Variants in RPP14 observed in about 807,000 individuals in gnomAD.
The protein encoded by RPP14 is ribonuclease P protein subunit p14.
RPP14 carries 19 observed loss-of-function variants against 17.8 expected under a neutral mutation model. The ratio of observed to expected loss-of-function variants is 1.07; its 90% CI spans 0.74 to 1.57. The LOEUF is 1.57. RPP14 is among the 40% of genes most tolerant of loss of function. The pLI is 0.00. For missense variants in RPP14, 125 were observed against 140.8 expected, an observed-to-expected ratio of 0.89 and a Z score of 0.57; for synonymous variants, 60 against 56.4, an observed-to-expected ratio of 1.06 and a Z score of -0.29.
chr3:58,315,771 G>C (rs1274155400), intron 3 of RPP14: 5 of 152,400 alleles, frequency 3.3e-5, no homozygotes, highest in Non-Finnish European at 5.9e-5. Flanking sequence ...CCGCCTCCCA[G>C]GTTCAAGCGA....
At chr3:58,308,230 C>G (rs1308409522) in intron 1 of RPP14, among the ~76,000 whole-genome samples, 1 of 152,108 alleles carries the variant, frequency 6.6e-6, no homozygotes, top group East Asian at 1.9e-4. Context: ...GCCTATACCA[C>G]TATCACTTTT....
intron 3 of RPP14, among the ~76,000 whole-genome samples, chr3:58,316,250 C>G (rs1250965342): frequency 6.6e-6 from 1 of 152,170 alleles, no homozygotes; most frequent in Non-Finnish European, 1.5e-5. Context: ...ACATAGCAAG[C>G]TGACTTTGTC....
At chr3:58,310,065 T>C (rs917404514) in intron 1 of RPP14, 4 of 430,230 alleles carry the variant, frequency 9.3e-6, no homozygotes, top group Non-Finnish European at 1.7e-5. Flanking sequence ...CTGGATGTGG[T>C]GGCACGTGCC....
At chr3:58,310,481 A>T (rs28502788) in intron 2 of RPP14, 26 bp from the exon 3 acceptor site, 142,450 of 1,543,936 alleles carry the variant, frequency 0.092, 7,291 homozygotes, top group African/African-American at 0.27. Context: ...ATTTAATATG[A>T]CTTTTTTTTT....
rs1357595651 is a variant in RPP14, at chr3:58,312,332, G to A, written c.162+1741G>A. Among the ~76,000 whole-genome samples, 10 of 85,326 alleles carry A rather than the reference G, an allele frequency of 1.2e-4. 2 individuals are homozygous for A. Among genetic ancestry groups the A allele is most frequent in the Non-Finnish European group, 1.7e-4 (7 of 42,256 alleles). 56.0% of individuals were successfully genotyped at this position (85,326 alleles called of 152,430 possible). On this transcript the variant is annotated intron_variant, in intron 3 of 5. Transcript: ENST00000295959. ...GCTGGAGTGCAGTGGCACAACCTCCGCACCCCCCCCCGCCCCTCCCGGATT... is the reference window on the plus strand; with the variant it reads ...GCTGGAGTGCAGTGGCACAACCTCCACACCCCCCCCCGCCCCTCCCGGATT...
intron 1 of RPP14, chr3:58,306,711 A>C (rs1302583870): frequency 6.6e-6 from 1 of 152,282 alleles, no homozygotes; most frequent in Non-Finnish European, 1.5e-5. Context: ...CTCAGCAGTA[A>C]GGATATTGAG....
rs758136953 is a variant in RPP14 at position 58,317,787 on chromosome 3, A to G, written c.*291A>G. 2.8e-5 allele frequency: 20 copies of G among 702,964 alleles called. No individual in the cohort carries two copies. Among genetic ancestry groups the G allele is most frequent in the South Asian group, 2.7e-4 (18 of 67,610 alleles). The allele number at this position is 702,964 out of a possible 1,614,324, so 43.5% of individuals were successfully genotyped here. A position where few individuals can be genotyped will look rare whatever the true frequency, so the allele number is the denominator to read the frequency against. ...AGACTGATGTGGCTACCTTCTCAGA[A>G]TTAACAGGGGATGTCAATCCTTTGC... On this transcript the variant is annotated 3_prime_UTR_variant, in exon 6 of 6. Coordinates refer to ENST00000295959, the MANE Select transcript of RPP14 (RefSeq NM_007042.6).
intron 3 of RPP14, among the ~76,000 whole-genome samples, chr3:58,312,719 G>A (rs919527901): frequency 6.6e-6 from 1 of 151,988 alleles, no homozygotes; most frequent in Non-Finnish European, 1.5e-5. Flanking sequence ...CCAGCTCTTC[G>A]GGAGGCTGAG....
chr3:58,316,776 T>TA lies in RPP14; in HGVS notation c.240-138dup, dbSNP rs552071724. 117 of 884,546 alleles carry TA rather than the reference T, an allele frequency of 1.3e-4. No individual in the cohort carries two copies. In the East Asian group the frequency reaches 2.3e-3, roughly 18 times the overall value. 54.8% of individuals were successfully genotyped at this position (884,546 alleles called of 1,614,324 possible). The stretch of plus-strand genomic sequence containing the variant: ...CTTGTACTCTAGAGAGGGCAAAACT[T>TA]ACGATTTGGTTACAGCTGTAGTTTT... On this transcript the variant is annotated intron_variant, in intron 4 of 5. Coordinates refer to ENST00000295959, the MANE Select transcript of RPP14 (RefSeq NM_007042.6).
Position 58,317,938 on chromosome 3 carries a change from T to A in RPP14, c.*442T>A, listed in dbSNP as rs1416406817. The A allele has an allele frequency of 3.3e-5, 23 of 702,742 alleles. No homozygotes were observed. Among genetic ancestry groups the A allele is most frequent in the Non-Finnish European group, 5.2e-5 (20 of 384,978 alleles). 43.5% of individuals were successfully genotyped at this position (702,742 alleles called of 1,614,324 possible). On this transcript the variant is annotated 3_prime_UTR_variant, in exon 6 of 6. Transcript: ENST00000295959. The stretch of plus-strand genomic sequence containing the variant: ...GCCAGGGCCAGGCTGTGTATTTCTT[T>A]CCCAGGAAATTAGCTTTCCAGCCCC...
intron 3 of RPP14, among the ~76,000 whole-genome samples, chr3:58,315,334 C>T (rs2097487114): frequency 6.7e-6 from 1 of 149,228 alleles, no homozygotes; most frequent in Non-Finnish European, 1.5e-5. Flanking sequence ...TCTTGAAATA[C>T]TATATATAAT....
chr3:58,311,951 C>T (rs1481519811), intron 3 of RPP14, among the ~76,000 whole-genome samples: 3 of 152,148 alleles, frequency 2.0e-5, no homozygotes, highest in South Asian at 2.1e-4. Flanking sequence ...TGGCTCACTA[C>T]AGCCTCAACC....
chr3:58,314,675 A>AAT (rs2097486311), intron 3 of RPP14, among the ~76,000 whole-genome samples: 3 of 90,560 alleles, frequency 3.3e-5, no homozygotes, highest in African/African-American at 1.3e-4. Context: ...GTTTGGCAGT[A>AAT]TTTTTTTTTT....
rs1166700831 is a variant in RPP14 at position 58,316,902 on chromosome 3, G to T, written c.240-13G>T. On this transcript the variant is annotated splice_polypyrimidine_tract_variant and intron_variant, in intron 4 of 5. Coordinates refer to ENST00000295959, the MANE Select transcript of RPP14 (RefSeq NM_007042.6). ...TCTATGACACACTATGTATTTTCTT[G>T]ATCTTTCTGCAGTGGTCTTGTCAAA... 6.2e-7 allele frequency: 1 copy of T among 1,607,836 alleles called. No homozygotes were observed. The highest frequency in any genetic ancestry group is 8.5e-7 in the Non-Finnish European group (1 of 1,175,786).
chr3:58,314,273 C>T (rs1041389392), intron 3 of RPP14, among the ~76,000 whole-genome samples: 6 of 152,122 alleles, frequency 3.9e-5, no homozygotes, highest in Non-Finnish European at 7.4e-5. Context: ...ACCACTTGAA[C>T]CTGGGAGGCG....
chr3:58,308,769 A>T (rs1035801825), intron 1 of RPP14, among the ~76,000 whole-genome samples: 4 of 150,958 alleles, frequency 2.6e-5, no homozygotes, highest in African/African-American at 9.7e-5. Context: ...GTAGTGGGGG[A>T]TCCATATATT....
chr3:58,316,461 G>A (rs979255910), intron 3 of RPP14, 54 bp from the exon 4 acceptor site: 2 of 1,483,060 alleles, frequency 1.3e-6, no homozygotes, highest in African/African-American at 1.4e-5. Flanking sequence ...AAGTTGACAA[G>A]CATTCAAGAA....
At chr3:58,307,325 A>G (rs2097476434) in intron 1 of RPP14, among the ~76,000 whole-genome samples, 1 of 152,216 alleles carries the variant, frequency 6.6e-6, no homozygotes, top group African/African-American at 2.4e-5. Context: ...GTAGATGTTA[A>G]TAGACTCACT....
intron 1 of RPP14, 106 bp from the exon 2 acceptor site, chr3:58,310,203 C>T: frequency 1.3e-6 from 1 of 786,048 alleles, no homozygotes; most frequent in South Asian, 1.6e-5. Context: ...TGAGACCCTG[C>T]CTTAAAACAA....
Sources: gnomAD v4.1 joint callset for allele counts (sites outside exome capture counted in the v4.1 genomes callset) on GRCh38, gnomAD v4.1.1 for gene constraint, MANE v1.5 for transcripts, NCBI Gene and HGNC (gene_info 2026-07-23, HGNC 2026-07-21) for gene names.